Variants in COL26A1 observed in about 807,000 individuals in gnomAD.
The protein encoded by COL26A1 is collagen alpha-1(XXVI) chain.
Under a neutral mutation model 59.3 loss-of-function variants are expected in COL26A1, and 41 were observed. That is an observed-to-expected ratio of 0.69 (90% CI 0.54 to 0.90). COL26A1 has a LOEUF of 0.90. COL26A1 is among the 40% of genes least tolerant of loss of function. The probability of loss-of-function intolerance (pLI) is 0.00; values close to 1 mark genes in which losing one functional copy is unlikely to be tolerated. For synonymous variants in COL26A1, 266 were observed against 256.0 expected, an observed-to-expected ratio of 1.04 and a Z score of -0.37; for missense variants, 612 against 602.3, an observed-to-expected ratio of 1.02 and a Z score of -0.17.
chr7:101,378,501 G>A (rs946644324), intron 1 of COL26A1, among the ~76,000 whole-genome samples: 5 of 151,994 alleles, frequency 3.3e-5, no homozygotes, highest in African/African-American at 7.2e-5. Context: ...CAGTTTGGGC[G>A]ACAGAGCAAG....
chr7:101,366,452 T>C (rs987286807), intron 1 of COL26A1, among the ~76,000 whole-genome samples: 2 of 150,568 alleles, frequency 1.3e-5, no homozygotes, highest in Non-Finnish European at 1.5e-5. Flanking sequence ...ATTTCATTGT[T>C]ACTGCTCCTT....
At chr7:101,449,486 T>C (rs181992459) in intron 3 of COL26A1, among the ~76,000 whole-genome samples, 270 of 152,316 alleles carry the variant, frequency 1.8e-3, no homozygotes, top group Non-Finnish European at 3.2e-3. Context: ...TCAGCAATGT[T>C]AGCCGGGAAT....
intron 5 of COL26A1, among the ~76,000 whole-genome samples, chr7:101,540,747 C>A (rs1376030126): frequency 2.0e-5 from 3 of 152,086 alleles, no homozygotes; most frequent in African/African-American, 7.2e-5. Flanking sequence ...AAGGCTGAGG[C>A]ATGAGAATTG....
intron 3 of COL26A1, among the ~76,000 whole-genome samples, chr7:101,484,459 C>G (rs1056565951): frequency 3.3e-5 from 5 of 152,112 alleles, no homozygotes; most frequent in Admixed American, 2.6e-4. Context: ...CAACCTCTGC[C>G]TCCCAGGTTC....
chr7:101,398,945 C>A (rs1791927662), intron 1 of COL26A1, among the ~76,000 whole-genome samples: 1 of 152,050 alleles, frequency 6.6e-6, no homozygotes, highest in African/African-American at 2.4e-5. Flanking sequence ...GAGTGAGCCC[C>A]TGGGTGGGCT....
intron 1 of COL26A1, among the ~76,000 whole-genome samples, chr7:101,405,284 TC>T (rs1792103381): frequency 6.6e-6 from 1 of 151,854 alleles, no homozygotes; most frequent in African/African-American, 2.4e-5. Context: ...CTGAACTAGC[TC>T]TATCTCTTCT....
chr7:101,416,309 A>G (rs1195437146), intron 1 of COL26A1, among the ~76,000 whole-genome samples: 1 of 142,778 alleles, frequency 7.0e-6, no homozygotes, highest in Non-Finnish European at 1.6e-5. Context: ...GGAGGATTGC[A>G]TGAGCCCAGG....
chr7:101,387,183 C>A (rs1466584530), intron 1 of COL26A1, among the ~76,000 whole-genome samples: 1 of 152,108 alleles, frequency 6.6e-6, no homozygotes, highest in African/African-American at 2.4e-5. Flanking sequence ...GAGCTGCTTT[C>A]TTTCCGCTGG....
chr7:101,371,622 CA>C (rs1035667404), intron 1 of COL26A1, among the ~76,000 whole-genome samples: 44 of 144,926 alleles, frequency 3.0e-4, no homozygotes, highest in South Asian at 1.1e-3. Flanking sequence ...CCTGTCTTTG[CA>C]AAAAAAAAAC....
chr7:101,408,890 C>A (rs1168680130), intron 1 of COL26A1, among the ~76,000 whole-genome samples: 1 of 152,218 alleles, frequency 6.6e-6, no homozygotes, highest in Non-Finnish European at 1.5e-5. Flanking sequence ...ACTGCCTCCC[C>A]AGTCAAGGTC....
chr7:101,467,264 A>C (rs1793784752), intron 3 of COL26A1, among the ~76,000 whole-genome samples: 1 of 151,542 alleles, frequency 6.6e-6, no homozygotes, highest in Non-Finnish European at 1.5e-5. Flanking sequence ...CAGAGGTTTA[A>C]TAGGTGATAA....
At chr7:101,368,629 C>G (rs1393791902) in intron 1 of COL26A1, among the ~76,000 whole-genome samples, 9 of 151,632 alleles carry the variant, frequency 5.9e-5, no homozygotes, top group Non-Finnish European at 1.5e-5. Context: ...TGGGTTGTTG[C>G]CATGGAAAGG....
chr7:101,382,401 C>T (rs1791469871), intron 1 of COL26A1, among the ~76,000 whole-genome samples: 1 of 152,068 alleles, frequency 6.6e-6, no homozygotes, highest in Non-Finnish European at 1.5e-5. Context: ...GCCCAAACTG[C>T]CTTCACACTT....
At chr7:101,465,266 C>G (rs1267591170) in intron 3 of COL26A1, among the ~76,000 whole-genome samples, 2 of 152,058 alleles carry the variant, frequency 1.3e-5, no homozygotes, top group Non-Finnish European at 2.9e-5. Flanking sequence ...TCTCCAACTC[C>G]TGGGCTCAAA....
At chr7:101,554,291 G>A (rs1173949009) in intron 11 of COL26A1, among the ~76,000 whole-genome samples, 1 of 152,134 alleles carries the variant, frequency 6.6e-6, no homozygotes, top group Non-Finnish European at 1.5e-5. Flanking sequence ...CGGGTCCAGG[G>A]GACCTTCAGG....
intron 2 of COL26A1, among the ~76,000 whole-genome samples, chr7:101,443,599 C>A (rs778902603): frequency 6.6e-6 from 1 of 152,114 alleles, no homozygotes; most frequent in Non-Finnish European, 1.5e-5. Flanking sequence ...GGACATTGTG[C>A]AAACTTGATC....
At chr7:101,557,208 G>A (rs1198560215) in intron 12 of COL26A1, among the ~76,000 whole-genome samples, 162 bp from the exon 13 acceptor site, 1 of 152,196 alleles carries the variant, frequency 6.6e-6, no homozygotes, top group Non-Finnish European at 1.5e-5. Context: ...TGGATGCATG[G>A]ATCCATGAAT....
At chr7:101,493,602 T>G (rs1275836042) in intron 3 of COL26A1, among the ~76,000 whole-genome samples, 3 of 151,878 alleles carry the variant, frequency 2.0e-5, no homozygotes, top group Non-Finnish European at 2.9e-5. Flanking sequence ...GACCATGAAA[T>G]ACAGTGCATC....
intron 1 of COL26A1, among the ~76,000 whole-genome samples, chr7:101,366,336 C>T (rs1315927543): frequency 6.6e-6 from 1 of 152,138 alleles, no homozygotes; most frequent in Admixed American, 6.6e-5. Flanking sequence ...GGCTTGGGGA[C>T]AGCAGTGGTC....
Sources: gnomAD v4.1 joint callset for allele counts (sites outside exome capture counted in the v4.1 genomes callset) on GRCh38, gnomAD v4.1.1 for gene constraint, MANE v1.5 for transcripts, NCBI Gene and HGNC (gene_info 2026-07-23, HGNC 2026-07-21) for gene names.